SCHIP1: variants seen among roughly 807,000 people sequenced by gnomAD.
SCHIP1 encodes the protein schwannomin interacting protein 1, also known as schwannomin-interacting protein 1.
A neutral mutation model predicts 29.7 loss-of-function variants in SCHIP1; 8 were observed. The observed-to-expected ratio is 0.27, with a 90% CI of 0.16 to 0.49. SCHIP1 has a LOEUF of 0.49. SCHIP1 is among the 20% of genes least tolerant of loss of function. SCHIP1 has a pLI of 0.99. For missense variants in SCHIP1, 193 were observed against 294.6 expected (o/e 0.66, Z 2.52); for synonymous variants, 76 against 94.9 (o/e 0.80, Z 1.16).
chr3:159,582,667 C>T, the SCHIP1 span, among the ~76,000 whole-genome samples: 41 of 151,908 alleles, frequency 2.7e-4, no homozygotes, highest in African/African-American at 8.7e-4. Flanking sequence ...CACTGGGAAA[C>T]TAAAAAATAT....
the SCHIP1 span, among the ~76,000 whole-genome samples, chr3:159,601,084 G>A: frequency 6.6e-6 from 1 of 152,288 alleles, no homozygotes; most frequent in South Asian, 2.1e-4. Flanking sequence ...TTGTGCCCCA[G>A]GGTGGTGTAC....
chr3:159,642,637 C>CTCCCAGA, the SCHIP1 span, among the ~76,000 whole-genome samples: 1 of 152,170 alleles, frequency 6.6e-6, no homozygotes, highest in South Asian at 2.1e-4. Context: ...GTTCAAAACT[C>CTCCCAGA]TAAGGCATAG....
At chr3:159,441,558 A>G in the SCHIP1 span, among the ~76,000 whole-genome samples, 1 of 152,026 alleles carries the variant, frequency 6.6e-6, no homozygotes, top group African/African-American at 2.4e-5. Context: ...TGAGAGTTCA[A>G]ACCAGCACTC....
the SCHIP1 span, among the ~76,000 whole-genome samples, chr3:159,360,080 A>C: frequency 6.6e-6 from 1 of 152,178 alleles, no homozygotes; most frequent in Non-Finnish European, 1.5e-5. Context: ...GCATGAATGG[A>C]CAAATGTAAA....
At chr3:159,619,161 G>T in the SCHIP1 span, among the ~76,000 whole-genome samples, 2 of 152,048 alleles carry the variant, frequency 1.3e-5, no homozygotes, top group African/African-American at 4.8e-5. Flanking sequence ...ATTTATCTTT[G>T]GATTTTAAAA....
chr3:159,506,421 G>C, the SCHIP1 span, among the ~76,000 whole-genome samples: 1 of 152,194 alleles, frequency 6.6e-6, no homozygotes, highest in Non-Finnish European at 1.5e-5. Context: ...TAGGTTGCCT[G>C]TTCACTCTGA....
At chr3:159,397,305 CCTT>C in the SCHIP1 span, among the ~76,000 whole-genome samples, 2 of 152,164 alleles carry the variant, frequency 1.3e-5, no homozygotes, top group African/African-American at 4.8e-5. Flanking sequence ...TCGTCTGAAG[CCTT>C]CTTCTCTCAG....
intron 1 of SCHIP1, among the ~76,000 whole-genome samples, chr3:159,854,621 G>T (rs767206793): frequency 1.3e-5 from 2 of 152,140 alleles, no homozygotes; most frequent in African/African-American, 4.8e-5. Flanking sequence ...CGCTTCTGCC[G>T]GAAGCGATGT....
the SCHIP1 span, among the ~76,000 whole-genome samples, chr3:159,800,881 C>G: frequency 2.0e-5 from 3 of 151,902 alleles, no homozygotes; most frequent in African/African-American, 7.3e-5. Flanking sequence ...CTGTGCATGG[C>G]CAGCTGTTTG....
chr3:159,591,504 A>C, the SCHIP1 span, among the ~76,000 whole-genome samples: 2 of 152,232 alleles, frequency 1.3e-5, no homozygotes, highest in African/African-American at 4.8e-5. Context: ...AATAGAAAAG[A>C]CATGGAAGCA....
At chr3:159,282,720 T>A in the SCHIP1 span, 2 of 147,352 alleles carry the variant, frequency 1.4e-5, no homozygotes, top group African/African-American at 5.0e-5. Flanking sequence ...AAGGACTCAG[T>A]AAATGGTGCT....
At chr3:159,886,935 TA>T (rs1717020621) in intron 3 of SCHIP1, 1 of 154,558 alleles carries the variant, frequency 6.5e-6, no homozygotes, top group Non-Finnish European at 1.4e-5. Context: ...AAAACCATCA[TA>T]TCTGGTGAGA....
chr3:159,330,013 G>A, the SCHIP1 span, among the ~76,000 whole-genome samples: 6 of 152,250 alleles, frequency 3.9e-5, no homozygotes, highest in African/African-American at 1.4e-4. Flanking sequence ...AATATGTGCA[G>A]TTTGATGCAT....
chr3:159,337,404 A>G, the SCHIP1 span, among the ~76,000 whole-genome samples: 1 of 152,148 alleles, frequency 6.6e-6, no homozygotes, highest in African/African-American at 2.4e-5. Flanking sequence ...AGGAGGTCAA[A>G]TTGTCCTTGT....
At chr3:159,734,995 C>G in the SCHIP1 span, among the ~76,000 whole-genome samples, 2 of 152,050 alleles carry the variant, frequency 1.3e-5, no homozygotes, top group Admixed American at 6.5e-5. Flanking sequence ...TGTTTGAAAG[C>G]TCTTCCTAAA....
the SCHIP1 span, among the ~76,000 whole-genome samples, chr3:159,763,173 G>A: frequency 1.3e-5 from 2 of 152,148 alleles, no homozygotes; most frequent in African/African-American, 4.8e-5. Flanking sequence ...GCGGCAAGGC[G>A]GCTGGAGCTG....
At chr3:159,732,952 G>A in the SCHIP1 span, among the ~76,000 whole-genome samples, 1,128 of 152,288 alleles carry the variant, frequency 7.4e-3, 25 homozygotes, top group African/African-American at 0.025. Context: ...AGCCATTAGG[G>A]TTTGGCTGCC....
At chr3:159,788,679 C>T in the SCHIP1 span, among the ~76,000 whole-genome samples, 1 of 152,056 alleles carries the variant, frequency 6.6e-6, no homozygotes, top group Non-Finnish European at 1.5e-5. Context: ...CATGGAGAGC[C>T]TAACTACTAC....
chr3:159,441,036 T>A, the SCHIP1 span, among the ~76,000 whole-genome samples: 1 of 152,214 alleles, frequency 6.6e-6, no homozygotes, highest in Non-Finnish European at 1.5e-5. Context: ...TCCAGCTTCC[T>A]TGTTACATGC....
Sources: gnomAD v4.1 joint callset for allele counts (sites outside exome capture counted in the v4.1 genomes callset) on GRCh38, gnomAD v4.1.1 for gene constraint, MANE v1.5 for transcripts, NCBI Gene and HGNC (gene_info 2026-07-23, HGNC 2026-07-21) for gene names.